The following SCUBE1 variants were observed in gnomAD, a reference collection of about 807,000 sequenced individuals.
SCUBE1 encodes the protein signal peptide, CUB domain and EGF like domain containing 1.
Under a neutral mutation model 124.4 loss-of-function variants are expected in SCUBE1, and 59 were observed. The ratio of observed to expected loss-of-function variants is 0.47; its 90% CI spans 0.38 to 0.59. The LOEUF is 0.59. Among genes scored for constraint, SCUBE1 ranks in the 20% least tolerant of loss-of-function variants. SCUBE1 has a pLI of 0.00. For missense variants in SCUBE1, 1,150 were observed against 1,371.2 expected (o/e 0.84, Z 2.55); for synonymous variants, 545 against 550.9 (o/e 0.99, Z 0.15).
At chr22:43,299,178 G>C (rs1449608450) in intron 3 of SCUBE1, among the ~76,000 whole-genome samples, 1 of 152,216 alleles carries the variant, frequency 6.6e-6, no homozygotes, top group Admixed American at 6.5e-5. Context: ...AAAAGTCCCT[G>C]AGGTGTTTGG....
intron 6 of SCUBE1, among the ~76,000 whole-genome samples, chr22:43,243,913 A>G (rs11913873): frequency 0.34 from 52,361 of 152,074 alleles, 10,982 homozygotes; most frequent in African/African-American, 0.59. Flanking sequence ...ACCCACAGGC[A>G]GTTGCTAATT....
chr22:43,275,377 G>T (rs5996304), intron 4 of SCUBE1, among the ~76,000 whole-genome samples: 88,294 of 152,106 alleles, frequency 0.58, 28,324 homozygotes, highest in African/African-American at 0.85. Flanking sequence ...CTTTGTGAAC[G>T]GATGATGCAC....
chr22:43,204,157 A>G lies in SCUBE1; in HGVS notation c.2815-8T>C. 1 of 1,613,206 alleles carries G rather than the reference A, an allele frequency of 6.2e-7. No individual in the cohort carries two copies. Among genetic ancestry groups the G allele is most frequent in the Non-Finnish European group, 8.5e-7 (1 of 1,179,698 alleles). On this transcript the variant is annotated splice_region_variant and splice_polypyrimidine_tract_variant and intron_variant, in intron 21 of 21. Coordinates refer to ENST00000360835, the MANE Select transcript of SCUBE1 (RefSeq NM_173050.5). ...CTTGATCAGCTTCTTGTCCTGTAAG[A>G]TAGAGTGGGTGGGAGGCAGGGGAGG...
rs1320417672 is a variant in SCUBE1 at position 43,210,138 on chromosome 22, G to A, written c.2486C>T (p.Ala829Val). Residue 829 changes from alanine (A) to valine (V), a missense_variant, in exon 19 of 22, where the codon GCG (alanine) becomes GTG (valine). Ala to Val is a moderately conservative substitution (Grantham distance 64). Coordinates refer to ENST00000360835, the MANE Select transcript of SCUBE1 (RefSeq NM_173050.5). The surrounding 1 kb of genome is among the most constrained non-coding windows in gnomAD (Gnocchi z 4.5). ...PANAECVWHIAPPPKRRILIV... is the reference protein window; with the variant it reads ...PANAECVWHIVPPPKRRILIV... ...GAGGATCCTGCGCTTTGGGGGAGGC[G>A]CGATGTGCCAGACGCATTCAGCGTT... The A allele has an allele frequency of 6.2e-7, 1 of 1,612,396 alleles. No homozygotes were observed.
Position 43,255,164 on chromosome 22 carries a change from G to A in SCUBE1, c.727+3055C>T, listed in dbSNP as rs1311788835. Among the ~76,000 whole-genome samples the A allele has an allele frequency of 6.6e-6, 1 of 152,204 alleles. No homozygotes were observed. The highest frequency in any genetic ancestry group is 2.4e-5 in the African/African-American group (1 of 41,450). ...CTTTACGACACACGTCTCCTTACAC[G>A]CACAGGCCAGTGGATACTAGCCCTG... is the stretch of plus-strand genomic sequence containing the variant. On this transcript the variant is annotated intron_variant, in intron 6 of 21. Transcript: ENST00000360835. The surrounding 1 kb of genome is among the most constrained non-coding windows in gnomAD (Gnocchi z 4.7).
At chr22:43,319,752 C>A (rs1010233886) in intron 3 of SCUBE1, among the ~76,000 whole-genome samples, 185 bp downstream of exon 3, 2 of 152,092 alleles carry the variant, frequency 1.3e-5, no homozygotes, top group African/African-American at 4.8e-5. Flanking sequence ...GACTCCAGAA[C>A]TGCGAGGCAA....
rs557717349 is a variant in SCUBE1, at chr22:43,255,603, C to T, written c.727+2616G>A. On this transcript the variant is annotated intron_variant, in intron 6 of 21. Transcript: ENST00000360835. This position sits in a 1 kb window ranked among gnomAD's most constrained non-coding sequence, Gnocchi z 4.7. ...CTAAAACACAAGTAAGGGACAAACA[C>T]GGAGCCAGTGGTTAATGACAGCCCA... 6.1e-5 allele frequency: 94 copies of T among 1,540,462 alleles called. No individual in the cohort carries two copies. The highest frequency in any genetic ancestry group is 4.6e-4 in the South Asian group (39 of 83,890).
At position 43,223,312 on chromosome 22, in the gene SCUBE1, C is replaced by T. The variant is rs1469099508; in HGVS notation, c.1208-96G>A. ...GGGTATGGCCTAATGGGGACTCCCC[C>T]AACTCCCTTCTTCCATGGCTGGGCT... On this transcript the variant is annotated intron_variant, in intron 10 of 21. Transcript: ENST00000360835. 6 of 1,356,258 alleles carry T rather than the reference C, an allele frequency of 4.4e-6. No homozygotes were observed. In the Admixed American group the frequency reaches 1.1e-4, roughly 25 times the overall value. 84.0% of individuals were successfully genotyped at this position (1,356,258 alleles called of 1,614,324 possible). A position where few individuals can be genotyped will look rare whatever the true frequency, so the allele number is the denominator to read the frequency against.
chr22:43,217,649 T>C (rs887188367), intron 15 of SCUBE1, among the ~76,000 whole-genome samples: 4 of 152,150 alleles, frequency 2.6e-5, no homozygotes, highest in Admixed American at 6.5e-5. Context: ...CCTGTGGGCA[T>C]GTTCACTGGC....
chr22:43,217,641 T>C (rs549866357), intron 15 of SCUBE1, among the ~76,000 whole-genome samples: 21 of 152,310 alleles, frequency 1.4e-4, no homozygotes, highest in African/African-American at 5.1e-4. Context: ...TCACTGTACC[T>C]GTGGGCATGT....
intron 3 of SCUBE1, among the ~76,000 whole-genome samples, chr22:43,293,577 G>A (rs137952330): frequency 0.011 from 1,713 of 152,342 alleles, 12 homozygotes; most frequent in African/African-American, 0.019. Context: ...GAGGAGCATC[G>A]GGAAGGACCC....
At chr22:43,259,431 A>G (rs1224135252) in intron 5 of SCUBE1, among the ~76,000 whole-genome samples, 1 of 152,212 alleles carries the variant, frequency 6.6e-6, no homozygotes, top group East Asian at 1.9e-4. Flanking sequence ...AGGGGCAAAA[A>G]TCCCAAATCC....
At chr22:43,277,428 G>T (rs1253504981) in intron 4 of SCUBE1, among the ~76,000 whole-genome samples, 1 of 152,202 alleles carries the variant, frequency 6.6e-6, no homozygotes, top group Non-Finnish European at 1.5e-5. Flanking sequence ...TCAGGCAAAA[G>T]ACGGCAGCGC....
chr22:43,275,588 G>T (rs1488732837), intron 4 of SCUBE1, among the ~76,000 whole-genome samples: 2 of 152,236 alleles, frequency 1.3e-5, no homozygotes, highest in Non-Finnish European at 1.5e-5. Flanking sequence ...TGCAAGTAAA[G>T]AGGAAGACGT....
intron 2 of SCUBE1, among the ~76,000 whole-genome samples, chr22:43,321,039 C>G (rs58809786): frequency 0.024 from 3,669 of 152,290 alleles, 152 homozygotes; most frequent in African/African-American, 0.085. Flanking sequence ...ACCCTGACCT[C>G]CAGAGGCTCC....
rs561889894 is a variant in SCUBE1 at position 43,212,666 on chromosome 22, C to T, written c.2054-74G>A. 9 of 1,467,336 alleles carry T rather than the reference C, an allele frequency of 6.1e-6. No homozygotes were observed. In the South Asian group the frequency reaches 1.1e-4, roughly 18 times the overall value. 90.9% of individuals were successfully genotyped at this position (1,467,336 alleles called of 1,614,324 possible). A position where few individuals can be genotyped will look rare whatever the true frequency, so the allele number is the denominator to read the frequency against. ...CCGAGGCTGTGGGTGGTCTCAGGCC[C>T]CGCTCTTGGCCCTTGCCCGGCCCTG... On this transcript the variant is annotated intron_variant, in intron 16 of 21. Transcript: ENST00000360835.
chr22:43,218,434 C>A lies in SCUBE1; in HGVS notation c.1712G>T (p.Arg571Leu), dbSNP rs149906143. 1.2e-6 allele frequency: 2 copies of A among 1,612,458 alleles called. No homozygotes were observed. The highest frequency in any genetic ancestry group is 1.7e-5 in the Admixed American group (1 of 60,018). The change falls in exon 15 of 22, where the codon CGG becomes CTG. Residue 571 changes from arginine to leucine, a missense_variant. Coordinates refer to ENST00000360835, the MANE Select transcript of SCUBE1 (RefSeq NM_173050.5). ...CTGCAGGCTCTGTTCTGCTCGCTTC[C>A]GCAAGCAGTCCGCTTCGCATGTGTC... The part of the protein sequence containing the change: ...ASDTCEADCL[R>L]KRAEQSLQAA...
chr22:43,320,318 T>C (rs3213584), intron 2 of SCUBE1, among the ~76,000 whole-genome samples: 100,476 of 152,082 alleles, frequency 0.66, 34,180 homozygotes, highest in African/African-American at 0.83. Flanking sequence ...GTACAATTTC[T>C]GAAAACTAGC....
chr22:43,320,328 C>A (rs932306477), intron 2 of SCUBE1, among the ~76,000 whole-genome samples: 2 of 152,166 alleles, frequency 1.3e-5, no homozygotes. Context: ...TGAAAACTAG[C>A]TCTCTTGAAG....
Sources: allele counts gnomAD v4.1 joint callset (sites outside exome capture counted in the v4.1 genomes callset), GRCh38; gene constraint gnomAD v4.1.1; non-coding constraint Gnocchi (gnomAD v3.1); transcripts MANE v1.5; gene names NCBI Gene and HGNC (gene_info 2026-07-23, HGNC 2026-07-21).